The following HACL1 variants were observed in gnomAD, a reference collection of about 807,000 sequenced individuals.
HACL1 encodes 1600020H07Rik.
A neutral mutation model predicts 74.2 loss-of-function variants in HACL1; 64 were observed. The ratio of observed to expected loss-of-function variants is 0.86; its 90% confidence interval spans 0.70 to 1.06. The LOEUF (loss-of-function observed/expected upper bound fraction) is 1.06. HACL1 is among the 50% of genes least tolerant of loss of function. The pLI, the probability that HACL1 is intolerant of heterozygous loss-of-function variation, is 0.00. For synonymous variants in HACL1, 230 were observed against 238.8 expected (o/e 0.96, Z 0.34); for missense variants, 728 against 719.7 (o/e 1.01, Z -0.13).
chr3:15,575,544 T>A (rs1301877605), intron 9 of HACL1, among the ~76,000 whole-genome samples: 1 of 151,976 alleles, frequency 6.6e-6, no homozygotes, highest in Non-Finnish European at 1.5e-5. Context: ...TCATACACTT[T>A]TTTTATTTTG....
At chr3:15,592,331 C>A (rs970993453) in intron 3 of HACL1, among the ~76,000 whole-genome samples, 2 of 140,858 alleles carry the variant, frequency 1.4e-5, no homozygotes, top group African/African-American at 3.1e-5. Flanking sequence ...TGTATATATA[C>A]TCTGGGCACC....
At chr3:15,568,957 A>G (rs1332788682) in intron 12 of HACL1, among the ~76,000 whole-genome samples, 1 of 152,246 alleles carries the variant, frequency 6.6e-6, no homozygotes, top group Admixed American at 6.5e-5. Flanking sequence ...GGTGCCTTAG[A>G]AAAAGTGAAA....
chr3:15,582,654 A>G (rs1368830541), intron 8 of HACL1, among the ~76,000 whole-genome samples: 2 of 152,224 alleles, frequency 1.3e-5, no homozygotes, highest in Admixed American at 6.5e-5. Flanking sequence ...CATTTCACTA[A>G]TAAGACCAAA....
intron 3 of HACL1, 128 bp downstream of exon 3, chr3:15,596,256 T>C (rs2125292696): frequency 3.1e-6 from 2 of 645,898 alleles, no homozygotes; most frequent in Non-Finnish European, 5.7e-6. Flanking sequence ...TTTTAAATGT[T>C]TTTTATCCTT....
intron 4 of HACL1, among the ~76,000 whole-genome samples, chr3:15,590,136 G>T (rs1226886826): frequency 6.6e-6 from 1 of 152,012 alleles, no homozygotes; most frequent in Non-Finnish European, 1.5e-5. Flanking sequence ...TATAGTAAAT[G>T]TTTTCCTTCC....
chr3:15,590,793 T>C (rs1056971098), intron 4 of HACL1, among the ~76,000 whole-genome samples: 1 of 152,166 alleles, frequency 6.6e-6, no homozygotes, highest in Non-Finnish European at 1.5e-5. Context: ...TAAAAGTGTT[T>C]ATGGCAGCTG....
At chr3:15,586,675 TAA>T in intron 5 of HACL1, 73 bp from the exon 6 acceptor site, 1 of 849,128 alleles carries the variant, frequency 1.2e-6, no homozygotes, top group Non-Finnish European at 2.0e-6. Context: ...GACAAAATGT[TAA>T]GTCATTAATT....
At chr3:15,564,527 C>T (rs115616776) in intron 15 of HACL1, 24 bp downstream of exon 15, 39 of 968,762 alleles carry the variant, frequency 4.0e-5, no homozygotes, top group East Asian at 1.2e-4. Context: ...AGAAAGTAAA[C>T]AGACATTGGT....
At chr3:15,599,389 C>G (rs951686877) in intron 2 of HACL1, among the ~76,000 whole-genome samples, 11 of 152,192 alleles carry the variant, frequency 7.2e-5, no homozygotes, top group Admixed American at 6.5e-4. Context: ...GCCTCAGCCC[C>G]CTTCGTAGCT....
rs185710439 is a variant in HACL1 at position 15,597,130 on chromosome 3, C to T, written c.187-706G>A. ...GTGATACCTCCTTTTTCATTCCTGA[C>T]ATTGGTAATCTGTTTTCTCTTTTAT... On this transcript the variant is annotated intron_variant, in intron 2 of 16. Transcript: ENST00000321169. 1.4e-4 allele frequency among the ~76,000 whole-genome samples: 21 copies of T among 152,320 alleles called. No homozygotes were observed. The East Asian group carries it at 3.1e-3, about 22-fold the overall frequency.
chr3:15,582,346 G>A (rs1218510863), intron 8 of HACL1, among the ~76,000 whole-genome samples: 3 of 152,102 alleles, frequency 2.0e-5, no homozygotes, highest in Non-Finnish European at 4.4e-5. Flanking sequence ...GCACAAACAT[G>A]TCTGCCACAG....
At chr3:15,596,732 T>C (rs565728329) in intron 2 of HACL1, among the ~76,000 whole-genome samples, 2 of 152,314 alleles carry the variant, frequency 1.3e-5, no homozygotes, top group East Asian at 3.9e-4. Context: ...TTTCTTTTAT[T>C]CTTCATCAGT....
rs200832139 is a variant in HACL1, at chr3:15,590,984, C to G, written c.308+616G>C. ...TAATCCCAGCTACTTGGGAGGCTGA[C>G]GCAGGAGAATCACTTGAACCTGGGA... On this transcript the variant is annotated intron_variant, in intron 4 of 16. Transcript: ENST00000321169. Among the ~76,000 whole-genome samples, 9 of 152,130 alleles carry G rather than the reference C, an allele frequency of 5.9e-5. No individual in the cohort carries two copies. In the East Asian group the frequency reaches 1.5e-3, roughly 26 times the overall value.
intron 7 of HACL1, among the ~76,000 whole-genome samples, chr3:15,583,469 C>G (rs2063744445): frequency 6.6e-6 from 1 of 151,964 alleles, no homozygotes; most frequent in East Asian, 1.9e-4. Flanking sequence ...ATTTAACTGT[C>G]AAAACAATGA....
intron 14 of HACL1, among the ~76,000 whole-genome samples, chr3:15,567,403 A>G (rs1355882395): frequency 2.0e-5 from 3 of 147,894 alleles, no homozygotes; most frequent in Middle Eastern, 3.2e-3. Context: ...TATATTTAGT[A>G]GAGATGGGAT....
At chr3:15,581,224 G>C (rs926163399) in intron 8 of HACL1, among the ~76,000 whole-genome samples, 3 of 152,182 alleles carry the variant, frequency 2.0e-5, no homozygotes, top group African/African-American at 7.2e-5. Flanking sequence ...TGTTTTCACA[G>C]TTATGTGCCT....
intron 10 of HACL1, among the ~76,000 whole-genome samples, chr3:15,574,194 C>G (rs2063582993): frequency 6.6e-6 from 1 of 152,166 alleles, no homozygotes; most frequent in South Asian, 2.1e-4. Flanking sequence ...CATGGCGAGA[C>G]TTTGTCTTTA....
At position 15,564,642 on chromosome 3, in the gene HACL1, T is replaced by C. The variant is rs1429375150; in HGVS notation, c.1426A>G (p.Ile476Val). ...ETICRYNLPI[I>V]LLVVNNNGIY... ...CCATTGTTATTCACTACCAACAGTA[T>C]GATTGGCAAGTTGTACCTAAAGTGA... Residue 476 changes from isoleucine to valine, a missense_variant, in exon 15 of 17, where the codon ATA becomes GTA. Transcript: ENST00000321169. The C allele has an allele frequency of 6.7e-7, 1 of 1,493,184 alleles. No homozygotes were observed. Among genetic ancestry groups the C allele is most frequent in the Non-Finnish European group, 9.3e-7 (1 of 1,077,262 alleles). 92.5% of individuals were successfully genotyped at this position (1,493,184 alleles called of 1,614,324 possible).
At chr3:15,590,190 G>A (rs2063866177) in intron 4 of HACL1, among the ~76,000 whole-genome samples, 1 of 152,030 alleles carries the variant, frequency 6.6e-6, no homozygotes, top group African/African-American at 2.4e-5. Flanking sequence ...AAGCTTCCAG[G>A]TATATTGACA....
Sources: allele counts gnomAD v4.1 joint callset (sites outside exome capture counted in the v4.1 genomes callset), GRCh38; gene constraint gnomAD v4.1.1; transcripts MANE v1.5; gene names NCBI Gene and HGNC (gene_info 2026-07-23, HGNC 2026-07-21).